PELO: variants seen among roughly 807,000 people sequenced by gnomAD.
The protein encoded by PELO is pelota mRNA surveillance and ribosome rescue factor.
PELO carries 19 observed loss-of-function variants against 25.9 expected under a neutral mutation model. That is an observed-to-expected ratio of 0.73 (90% confidence interval 0.51 to 1.08). PELO has a LOEUF of 1.08. PELO is among the 50% of genes least tolerant of loss of function. The probability of loss-of-function intolerance (pLI) is 0.00; values close to 1 mark genes in which losing one functional copy is unlikely to be tolerated. For synonymous variants in PELO, 196 were observed against 192.2 expected (o/e 1.02, Z -0.16); for missense variants, 498 against 491.4 (o/e 1.01, Z -0.13).
intron 1 of PELO, among the ~76,000 whole-genome samples, chr5:52,794,821 G>A (rs1211106188): frequency 6.6e-6 from 1 of 151,788 alleles, no homozygotes; most frequent in African/African-American, 2.4e-5. Context: ...AAACAATTGC[G>A]TTTATCACTA....
chr5:52,790,352 T>C (rs1210761028), intron 1 of PELO, among the ~76,000 whole-genome samples: 1 of 152,258 alleles, frequency 6.6e-6, no homozygotes, highest in Non-Finnish European at 1.5e-5. Flanking sequence ...ACTACTCCTA[T>C]GTCAGTTTCT....
In PELO at chr5:52,801,726, T is replaced by C. The variant is rs1580030006; in HGVS notation, c.1044T>C (p.Ser348=). The C allele has an allele frequency of 6.2e-7, 1 of 1,614,056 alleles. No individual in the cohort carries two copies. The highest frequency in any genetic ancestry group is 8.5e-7 in the Non-Finnish European group (1 of 1,179,918). The change falls in exon 3 of 3, where the codon AGT becomes AGC. Residue 348 remains serine, a synonymous_variant. Transcript: ENST00000274311. The stretch of plus-strand genomic sequence containing the variant: ...CAGGCACCGTTAGGATATTCTCTAG[T>C]CTTCACGTTTCTGGGGAACAGCTCA... ...ENAGTVRIFS[S]LHVSGEQLSQ... is the part of the protein sequence containing the mutation.
intron 1 of PELO, among the ~76,000 whole-genome samples, chr5:52,794,500 T>TACACACAC (rs56996823): frequency 0.016 from 2,224 of 141,870 alleles, 25 homozygotes; most frequent in African/African-American, 0.026. Flanking sequence ...CAAATAGAAA[T>TACACACAC]ACACACACAC....
intron 1 of PELO, among the ~76,000 whole-genome samples, chr5:52,797,597 G>A (rs1748370322): frequency 6.6e-6 from 1 of 152,084 alleles, no homozygotes; most frequent in African/African-American, 2.4e-5. Context: ...GCTGGTAAAG[G>A]TGACAGTTGA....
rs1389988840 is a variant in PELO at position 52,802,931 on chromosome 5, A to ATCTTATTTT, written c.*1092_*1093insCTTATTTTT. ...TTGTGCAAATACCTCTGAGTTTAAA[A>ATCTTATTTT]TATTATTTTTATTATTTTTGGTGCA... is the stretch of plus-strand genomic sequence containing the variant. On this transcript the variant is annotated 3_prime_UTR_variant, in exon 3 of 3. Coordinates refer to ENST00000274311, the MANE Select transcript of PELO (RefSeq NM_015946.5). 6.6e-6 allele frequency: 1 copy of ATCTTATTTT among 152,212 alleles called. No homozygotes were observed. Among genetic ancestry groups the ATCTTATTTT allele is most frequent in the African/African-American group, 2.4e-5 (1 of 41,452 alleles). The allele number at this position is 152,212 out of a possible 1,614,324, so 9.4% of individuals were successfully genotyped here.
In PELO at chr5:52,800,655, C is replaced by T; in HGVS notation, c.261C>T (p.Asn87=). ...QACQLRVKGT[N]IQENEYVKMG... ...GCCAGCTGCGGGTTAAGGGGACCAA[C>T]ATCCAAGAGAATGAGTATGTCAAGA... The change falls in exon 2 of 3, where the codon AAC becomes AAT. Residue 87 remains asparagine, a synonymous_variant. Transcript: ENST00000274311. The T allele has an allele frequency of 6.2e-7, 1 of 1,614,168 alleles. No individual in the cohort carries two copies. Among genetic ancestry groups the T allele is most frequent in the Non-Finnish European group, 8.5e-7 (1 of 1,180,016 alleles).
intron 1 of PELO, 146 bp downstream of exon 1, chr5:52,788,560 G>T: frequency 1.7e-6 from 1 of 598,638 alleles, no homozygotes; most frequent in Admixed American, 4.2e-5. Flanking sequence ...GCCAGGCTAC[G>T]GGGCAGGCAG....
At chr5:52,799,431 T>A (rs1487427913) in intron 1 of PELO, among the ~76,000 whole-genome samples, 2 of 152,196 alleles carry the variant, frequency 1.3e-5, no homozygotes, top group African/African-American at 4.8e-5. Context: ...GCTACTGGGC[T>A]GCGGAAAGCT....
At chr5:52,793,686 G>C (rs1748285262) in intron 1 of PELO, among the ~76,000 whole-genome samples, 1 of 151,998 alleles carries the variant, frequency 6.6e-6, no homozygotes, top group African/African-American at 2.4e-5. Flanking sequence ...TAGATACAGA[G>C]ATATAACATT....
chr5:52,797,682 G>A (rs1748371985), intron 1 of PELO, among the ~76,000 whole-genome samples: 1 of 152,140 alleles, frequency 6.6e-6, no homozygotes, highest in African/African-American at 2.4e-5. Context: ...ATATAGGATG[G>A]TGGTAGTAGA....
intron 1 of PELO, among the ~76,000 whole-genome samples, chr5:52,797,939 C>CTTT (rs1748376879): frequency 1.3e-5 from 2 of 152,284 alleles, no homozygotes; most frequent in South Asian, 4.1e-4. Context: ...GGCTTTTAAT[C>CTTT]TTTGGCAGAC....
Position 52,787,984 on chromosome 5 carries a change from T to C in PELO, c.-941T>C, listed in dbSNP as rs1198650370. The C allele has an allele frequency of 4.7e-6, 1 of 214,462 alleles. No individual in the cohort carries two copies. The highest frequency in any genetic ancestry group is 2.3e-5 in the African/African-American group (1 of 43,836). 13.3% of individuals were successfully genotyped at this position (214,462 alleles called of 1,614,324 possible). A position where few individuals can be genotyped will look rare whatever the true frequency, so the allele number is the denominator to read the frequency against. ...GATCACCCTCTCAATGAAAGGCAGA[T>C]GTCCCTTTAAGGTTTGCTTCTACAG... is the stretch of plus-strand genomic sequence containing the variant. On this transcript the variant is annotated 5_prime_UTR_variant, in exon 1 of 3. The change abolishes an upstream ATG in the 5' untranslated region. Coordinates refer to ENST00000274311, the MANE Select transcript of PELO (RefSeq NM_015946.5).
Position 52,788,358 on chromosome 5 carries a change from C to T in PELO, c.-567C>T. 6.6e-7 allele frequency: 1 copy of T among 1,509,234 alleles called. No homozygotes were observed. The allele number at this position is 1,509,234 out of a possible 1,614,324, so 93.5% of individuals were successfully genotyped here. ...GGCGCTGAGGCTGCTCCGGCCATGG[C>T]CCCTCGGCCCCGCGCCCGCCCAGGG... On this transcript the variant is annotated 5_prime_UTR_variant, in exon 1 of 3. Coordinates refer to ENST00000274311, the MANE Select transcript of PELO (RefSeq NM_015946.5).
intron 1 of PELO, 84 bp downstream of exon 1, chr5:52,788,498 C>A: frequency 2.6e-6 from 3 of 1,161,250 alleles, no homozygotes; most frequent in Non-Finnish European, 3.4e-6. Context: ...GAGCCATGGG[C>A]CAGATAGGAA....
At chr5:52,792,276 T>C (rs1461912226) in intron 1 of PELO, among the ~76,000 whole-genome samples, 15 of 152,120 alleles carry the variant, frequency 9.9e-5, no homozygotes, top group Admixed American at 9.8e-4. Flanking sequence ...GATGGCTGAA[T>C]ATGGGGAGGA....
rs1748434707 is a variant in PELO at position 52,800,224 on chromosome 5, C to T, written c.-171C>T. The T allele has an allele frequency of 1.6e-6, 1 of 635,192 alleles. No individual in the cohort carries two copies. Among genetic ancestry groups the T allele is most frequent in the Non-Finnish European group, 2.7e-6 (1 of 364,478 alleles). The allele number at this position is 635,192 out of a possible 1,614,324, so 39.3% of individuals were successfully genotyped here. A position where few individuals can be genotyped will look rare whatever the true frequency, so the allele number is the denominator to read the frequency against. ...GAGAGAGGAAAGGATAGAGGAAGTG[C>T]TGCCCTAGGCTGCATGAGTCGAAGC... On this transcript the variant is annotated 5_prime_UTR_variant, in exon 2 of 3. Coordinates refer to ENST00000274311, the MANE Select transcript of PELO (RefSeq NM_015946.5).
chr5:52,801,296 C>T (rs1748475506), intron 2 of PELO, 113 bp from the exon 3 acceptor site: 5 of 1,144,812 alleles, frequency 4.4e-6, no homozygotes, highest in Non-Finnish European at 6.2e-6. Context: ...ATGGAGTAAA[C>T]TTCGCTGAAA....
chr5:52,802,688 T>C lies in PELO; in HGVS notation c.*848T>C, dbSNP rs1023595397. ...TTGCGCCAAAACATGCTATATTATTTATTTATTTTTTTGCTTGTCAAAGTT... is the reference window on the plus strand; with the variant it reads ...TTGCGCCAAAACATGCTATATTATTCATTTATTTTTTTGCTTGTCAAAGTT... On this transcript the variant is annotated 3_prime_UTR_variant, in exon 3 of 3. Coordinates refer to ENST00000274311, the MANE Select transcript of PELO (RefSeq NM_015946.5). 3 of 152,204 alleles carry C rather than the reference T, an allele frequency of 2.0e-5. No individual in the cohort carries two copies. Among genetic ancestry groups the C allele is most frequent in the African/African-American group, 7.2e-5 (3 of 41,456 alleles). 9.4% of individuals were successfully genotyped at this position (152,204 alleles called of 1,614,324 possible).
At chr5:52,792,941 CAT>C (rs1393216209) in intron 1 of PELO, among the ~76,000 whole-genome samples, 1 of 152,126 alleles carries the variant, frequency 6.6e-6, no homozygotes, top group African/African-American at 2.4e-5. Context: ...CAAATGACTG[CAT>C]ATATTTCTAT....
Sources: allele counts gnomAD v4.1 joint callset (sites outside exome capture counted in the v4.1 genomes callset), GRCh38; gene constraint gnomAD v4.1.1; transcripts MANE v1.5; gene names NCBI Gene and HGNC (gene_info 2026-07-23, HGNC 2026-07-21).